B4GALNT3: variants seen among roughly 807,000 people sequenced by gnomAD.
The protein encoded by B4GALNT3 is beta-1,4-N-acetyl-galactosaminyltransferase 3.
A neutral mutation model predicts 120.2 loss-of-function variants in B4GALNT3; 86 were observed. The observed-to-expected ratio is 0.72, with a 90% CI of 0.60 to 0.86. The LOEUF (loss-of-function observed/expected upper bound fraction) is 0.86, where lower values mean the gene tolerates loss of function less well. B4GALNT3 is among the 40% of genes least tolerant of loss of function. B4GALNT3 has a pLI of 0.00. For missense variants in B4GALNT3, 1,167 were observed against 1,298.9 expected, an observed-to-expected ratio of 0.90 and a Z score of 1.56; for synonymous variants, 518 against 510.4, an observed-to-expected ratio of 1.01 and a Z score of -0.20.
intron 1 of B4GALNT3, among the ~76,000 whole-genome samples, chr12:505,138 T>A (rs7961546): frequency 6.6e-6 from 1 of 151,602 alleles, no homozygotes; most frequent in Admixed American, 6.6e-5. Context: ...GTGATCTGCC[T>A]GCCTTGGCCT....
At chr12:516,840 T>C (rs1220221402) in intron 1 of B4GALNT3, among the ~76,000 whole-genome samples, 1 of 152,058 alleles carries the variant, frequency 6.6e-6, no homozygotes, top group African/African-American at 2.4e-5. Flanking sequence ...TGTCTAGGAC[T>C]GGAGTGGTGG....
chr12:552,298 C>T, intron 12 of B4GALNT3, 135 bp downstream of exon 12: 1 of 236,878 alleles, frequency 4.2e-6, no homozygotes, highest in Non-Finnish European at 7.8e-6. Flanking sequence ...GTACTACACA[C>T]ACACACACAC....
intron 1 of B4GALNT3, among the ~76,000 whole-genome samples, chr12:504,996 T>C (rs917710010): frequency 2.0e-5 from 3 of 151,830 alleles, no homozygotes; most frequent in Admixed American, 6.6e-5. Context: ...GTTCAAGCGA[T>C]CCTCCTGCCT....
At chr12:552,017 C>G (rs1478386859) in intron 11 of B4GALNT3, 46 bp from the exon 12 acceptor site, 1 of 1,434,414 alleles carries the variant, frequency 7.0e-7, no homozygotes, top group Admixed American at 1.7e-5. Flanking sequence ...GATTTCTTAC[C>G]AAGATCTCAC....
intron 1 of B4GALNT3, among the ~76,000 whole-genome samples, chr12:506,225 A>T (rs752616196): frequency 1.3e-5 from 2 of 152,154 alleles, no homozygotes; most frequent in African/African-American, 4.8e-5. Flanking sequence ...TTTATTATCA[A>T]ATCATAGAGT....
chr12:487,122 CAT>C (rs1946297164), intron 1 of B4GALNT3, among the ~76,000 whole-genome samples: 1 of 151,918 alleles, frequency 6.6e-6, no homozygotes, highest in African/African-American at 2.4e-5. Context: ...GATATGACGA[CAT>C]AAACTTTCAA....
At chr12:526,752 T>C (rs1201227031) in intron 1 of B4GALNT3, among the ~76,000 whole-genome samples, 3 of 152,218 alleles carry the variant, frequency 2.0e-5, no homozygotes, top group Non-Finnish European at 4.4e-5. Context: ...CTAAACCTTC[T>C]GTGGCCTCTT....
chr12:526,220 A>G (rs1406489084), intron 1 of B4GALNT3, among the ~76,000 whole-genome samples: 1 of 152,188 alleles, frequency 6.6e-6, no homozygotes, highest in African/African-American at 2.4e-5. Context: ...TAAGTACAGC[A>G]CACAACAGGT....
intron 1 of B4GALNT3, among the ~76,000 whole-genome samples, chr12:489,275 A>C (rs932542792): frequency 4.6e-5 from 7 of 151,402 alleles, no homozygotes; most frequent in Non-Finnish European, 1.0e-4. Context: ...ACCATGGCAC[A>C]TGTATACCTG....
chr12:508,195 G>A (rs1018204171), intron 1 of B4GALNT3, among the ~76,000 whole-genome samples: 2 of 152,224 alleles, frequency 1.3e-5, no homozygotes, highest in African/African-American at 2.4e-5. Flanking sequence ...ATTCATATTC[G>A]TTAATGAAGA....
chr12:528,800 C>G (rs1250409324), intron 1 of B4GALNT3, among the ~76,000 whole-genome samples: 1 of 152,254 alleles, frequency 6.6e-6, no homozygotes, highest in Non-Finnish European at 1.5e-5. Flanking sequence ...GGACTCAGTG[C>G]TGGTTCCTGG....
At position 550,025 on chromosome 12, in the gene B4GALNT3, A is replaced by T. The variant is rs1195801595; in HGVS notation, c.997+113A>T. On this transcript the variant is annotated intron_variant, in intron 10 of 19. Coordinates refer to ENST00000266383, the MANE Select transcript of B4GALNT3 (RefSeq NM_173593.4). The surrounding 1 kb of genome is among the most constrained non-coding windows in gnomAD (Gnocchi z 4.1). The stretch of plus-strand genomic sequence containing the variant: ...TGCCAAGTATCCCAATCACCGTAGA[A>T]CTTTTTATCGTCCTTGTAACATAGA... 1 of 1,219,998 alleles carries T rather than the reference A, an allele frequency of 8.2e-7. No individual in the cohort carries two copies. The highest frequency in any genetic ancestry group is 1.1e-6 in the Non-Finnish European group (1 of 879,436). 75.6% of individuals were successfully genotyped at this position (1,219,998 alleles called of 1,614,324 possible). A position where few individuals can be genotyped will look rare whatever the true frequency, so the allele number is the denominator to read the frequency against.
chr12:498,214 T>A (rs1267396123), intron 1 of B4GALNT3, among the ~76,000 whole-genome samples: 3 of 152,128 alleles, frequency 2.0e-5, no homozygotes, highest in African/African-American at 7.2e-5. Flanking sequence ...TGTTTCTGAT[T>A]GCGTATCATG....
At chr12:487,238 AAGAG>A (rs1028856765) in intron 1 of B4GALNT3, among the ~76,000 whole-genome samples, 10 of 152,234 alleles carry the variant, frequency 6.6e-5, no homozygotes, top group African/African-American at 2.4e-4. Flanking sequence ...TCAGAAGGAA[AAGAG>A]AGAAACAGAA....
At chr12:474,250 T>G (rs1946162647) in intron 1 of B4GALNT3, among the ~76,000 whole-genome samples, 1 of 152,168 alleles carries the variant, frequency 6.6e-6, no homozygotes, top group South Asian at 2.1e-4. Context: ...TGATCGTGGC[T>G]TTCTTCTTCA....
chr12:463,796 G>A (rs12306429), intron 1 of B4GALNT3, among the ~76,000 whole-genome samples: 3,910 of 152,252 alleles, frequency 0.026, 184 homozygotes, highest in African/African-American at 0.088. Flanking sequence ...ACCAAGAGTC[G>A]GGGAAAGTTT....
At chr12:537,036 G>A (rs1946868226) in intron 3 of B4GALNT3, among the ~76,000 whole-genome samples, 1 of 152,194 alleles carries the variant, frequency 6.6e-6, no homozygotes, top group South Asian at 2.1e-4. Context: ...AAGAGTATGA[G>A]AAGTTCTGCA....
chr12:498,910 C>A (rs1015196201), intron 1 of B4GALNT3, among the ~76,000 whole-genome samples: 3 of 152,086 alleles, frequency 2.0e-5, no homozygotes, highest in African/African-American at 7.2e-5. Flanking sequence ...CATTGCCCTA[C>A]CCTGGAAAGA....
intron 3 of B4GALNT3, among the ~76,000 whole-genome samples, chr12:543,767 A>G (rs75571688): frequency 0.072 from 2,797 of 38,586 alleles, 431 homozygotes; most frequent in African/African-American, 0.14. Context: ...TCATCCTCCC[A>G]GAGCTGAGGA....
Sources: gnomAD v4.1 joint callset for allele counts (sites outside exome capture counted in the v4.1 genomes callset) on GRCh38, gnomAD v4.1.1 for gene constraint, Gnocchi (gnomAD v3.1) non-coding constraint, MANE v1.5 for transcripts, NCBI Gene and HGNC (gene_info 2026-07-23, HGNC 2026-07-21) for gene names.